The following CAGE1 variants were observed in gnomAD, a reference collection of about 807,000 sequenced individuals.
CAGE1 encodes cancer antigen 1, also known as cancer-associated gene 1 protein.
In CAGE1, 66 loss-of-function variants were observed where a neutral mutation model predicts 94.9. The observed-to-expected ratio is 0.70, with a 90% CI of 0.57 to 0.85. The LOEUF is 0.85. CAGE1 is among the 40% of genes least tolerant of loss of function. CAGE1 has a pLI of 0.00. For synonymous variants in CAGE1, 319 were observed against 321.0 expected (o/e 0.99, Z 0.07); for missense variants, 865 against 950.4 (o/e 0.91, Z 1.18).
chr6:7,374,187 C>T, intron 4 of CAGE1, 56 bp from the exon 5 acceptor site: 2 of 1,428,892 alleles, frequency 1.4e-6, no homozygotes, highest in Non-Finnish European at 1.9e-6. Flanking sequence ...AATGAGCTTT[C>T]AAGTCAAATA....
chr6:7,360,768 A>G (rs1760137142), intron 9 of CAGE1, among the ~76,000 whole-genome samples: 1 of 152,004 alleles, frequency 6.6e-6, no homozygotes. Flanking sequence ...ACATGGTGAA[A>G]CCCCGTCTCT....
intron 7 of CAGE1, among the ~76,000 whole-genome samples, chr6:7,368,083 C>T (rs1468966541): frequency 2.0e-5 from 3 of 151,836 alleles, no homozygotes; most frequent in African/African-American, 7.3e-5. Context: ...GAAGCCCCGT[C>T]TCTACTAAAA....
intron 11 of CAGE1, among the ~76,000 whole-genome samples, chr6:7,344,030 A>T (rs1270538219): frequency 1.3e-5 from 2 of 152,200 alleles, no homozygotes; most frequent in African/African-American, 4.8e-5. Flanking sequence ...AAGTGTTAGA[A>T]AGTGGTGAGA....
At chr6:7,378,364 G>C (rs1186529906) in intron 4 of CAGE1, among the ~76,000 whole-genome samples, 1 of 151,992 alleles carries the variant, frequency 6.6e-6, no homozygotes, top group Non-Finnish European at 1.5e-5. Flanking sequence ...TTCTGAATTG[G>C]CTAAGATCTC....
At chr6:7,329,937 G>A (rs1275452032) in intron 12 of CAGE1, 49 bp from the exon 13 acceptor site, 4 of 786,782 alleles carry the variant, frequency 5.1e-6, no homozygotes, top group Admixed American at 4.7e-5. Context: ...AGGGGGGACT[G>A]AAATAGTGAA....
chr6:7,327,205 AC>A (rs1758568667), intron 13 of CAGE1, among the ~76,000 whole-genome samples: 1 of 152,086 alleles, frequency 6.6e-6, no homozygotes, highest in Non-Finnish European at 1.5e-5. Context: ...GACACTCAAC[AC>A]CATGCCCGGC....
intron 9 of CAGE1, among the ~76,000 whole-genome samples, chr6:7,360,454 A>C (rs536959543): frequency 6.6e-6 from 1 of 152,166 alleles, no homozygotes; most frequent in Non-Finnish European, 1.5e-5. Flanking sequence ...CACTTTCCTC[A>C]TATAGGGTTG....
At chr6:7,355,848 T>A (rs7769493) in intron 10 of CAGE1, among the ~76,000 whole-genome samples, 177 bp downstream of exon 10, 1 of 152,034 alleles carries the variant, frequency 6.6e-6, no homozygotes, top group African/African-American at 2.4e-5. Flanking sequence ...CAAAAATTTT[T>A]AAAAATTAGC....
intron 11 of CAGE1, among the ~76,000 whole-genome samples, chr6:7,352,798 G>T (rs1266168086): frequency 6.6e-6 from 1 of 152,170 alleles, no homozygotes; most frequent in East Asian, 1.9e-4. Context: ...GTGGGGAAAG[G>T]ACACCCTTTT....
intron 11 of CAGE1, among the ~76,000 whole-genome samples, chr6:7,340,281 A>C (rs1253049744): frequency 2.0e-5 from 3 of 151,564 alleles, no homozygotes; most frequent in African/African-American, 7.3e-5. Flanking sequence ...TTTTCTTGTT[A>C]ATTTGTTTGA....
intron 11 of CAGE1, among the ~76,000 whole-genome samples, chr6:7,345,936 A>G (rs1759505405): frequency 6.6e-6 from 1 of 152,206 alleles, no homozygotes; most frequent in South Asian, 2.1e-4. Context: ...AAAAAAGAAA[A>G]ATTACAGTAT....
intron 9 of CAGE1, among the ~76,000 whole-genome samples, chr6:7,364,555 G>A (rs751809027): frequency 6.6e-6 from 1 of 152,042 alleles, no homozygotes; most frequent in African/African-American, 2.4e-5. Flanking sequence ...TGCAACCTCC[G>A]CCCTCTGAGT....
At position 7,369,880 on chromosome 6, in the gene CAGE1, C is replaced by T. The variant is rs765694547; in HGVS notation, c.1893+39G>A. The stretch of plus-strand genomic sequence containing the variant: ...TTTTTGTCCAACCCCAGTATTTATT[C>T]CTCCCCTACTAAAATATCTAATATA... On this transcript the variant is annotated intron_variant, in intron 6 of 13. Coordinates refer to ENST00000502583, the MANE Select transcript of CAGE1 (RefSeq NM_001170692.2). 8 of 1,551,950 alleles carry T rather than the reference C, an allele frequency of 5.2e-6. No homozygotes were observed. The Admixed American group carries it at 1.2e-4, about 24-fold the overall frequency.
chr6:7,354,086 G>GA (rs890448213), intron 11 of CAGE1, among the ~76,000 whole-genome samples: 36 of 147,534 alleles, frequency 2.4e-4, no homozygotes, highest in Middle Eastern at 3.4e-3. Context: ...ATAACCTACG[G>GA]AAAAAAAACA....
Position 7,374,123 on chromosome 6 carries a change from A to C in CAGE1, c.696T>G (p.Val232=). 6.2e-7 allele frequency: 1 copy of C among 1,609,876 alleles called. No individual in the cohort carries two copies. Among genetic ancestry groups the C allele is most frequent in the Non-Finnish European group, 8.5e-7 (1 of 1,177,358 alleles). Residue 232 remains valine (V), a synonymous_variant, in exon 5 of 14, where the codon GTT becomes GTG. Transcript: ENST00000502583. ...CATAATTCTGTATTTCTTTTGAAGG[A>C]ACTGCAGTCTGTAAATTATAGTAAA... The part of the protein sequence containing the change: ...QPPSFLCKTA[V]PSKEIQNYGE...
In CAGE1 at chr6:7,356,023, A is replaced by G. The variant is rs1234296075; in HGVS notation, c.2298+2T>C. The stretch of plus-strand genomic sequence containing the variant: ...AAATACAAAAGAAAAAAAAATGTCT[A>G]CCTTCTTTATTAAGTTGCCTAAATG... On this transcript the variant is annotated splice_donor_variant, in intron 10 of 13. Transcript: ENST00000502583. LOFTEE classifies it high-confidence loss of function. The G allele has an allele frequency of 4.7e-6, 7 of 1,490,524 alleles. No individual in the cohort carries two copies. The highest frequency in any genetic ancestry group is 3.7e-6 in the Non-Finnish European group (4 of 1,092,550). 92.3% of individuals were successfully genotyped at this position (1,490,524 alleles called of 1,614,324 possible).
rs1422255667 is a variant in CAGE1, at chr6:7,378,838, T to C, written c.466A>G (p.Ile156Val). 6 of 1,613,148 alleles carry C rather than the reference T, an allele frequency of 3.7e-6. No homozygotes were observed. Among genetic ancestry groups the C allele is most frequent in the Non-Finnish European group, 5.1e-6 (6 of 1,179,430 alleles). The change falls in exon 4 of 14, where the codon ATA becomes GTA. Residue 156 changes from isoleucine (I) to valine (V), a missense_variant. Ile to Val is a conservative substitution (Grantham distance 29). Coordinates refer to ENST00000502583, the MANE Select transcript of CAGE1 (RefSeq NM_001170692.2). ...TCTTCCTTAAATGAGTCTTGCTTTA[T>C]ATTGTTGTCTTTTGCATAATTATAC... Reference protein sequence around the residue: ...QVYNYAKDNNIKQDSFKEENP... With the variant: ...QVYNYAKDNNVKQDSFKEENP...
chr6:7,340,548 C>A lies in CAGE1; in HGVS notation c.2370-6458G>T, dbSNP rs555731492. On this transcript the variant is annotated intron_variant, in intron 11 of 13. Transcript: ENST00000502583. ...GTAGGTGCCTCCAGGCCTTCCCACC[C>A]CAACCCCAATAAAAACATTTTGCAT... Among the ~76,000 whole-genome samples the A allele has an allele frequency of 2.0e-5, 3 of 152,260 alleles. No homozygotes were observed. The East Asian group carries it at 5.8e-4, about 29-fold the overall frequency.
intron 9 of CAGE1, among the ~76,000 whole-genome samples, chr6:7,358,677 C>CA (rs982843553): frequency 3.9e-5 from 6 of 152,014 alleles, no homozygotes; most frequent in African/African-American, 9.6e-5. Flanking sequence ...TCCAGCTCTA[C>CA]AAAAAAAATT....
Sources: allele counts gnomAD v4.1 joint callset (sites outside exome capture counted in the v4.1 genomes callset), GRCh38; gene constraint gnomAD v4.1.1; transcripts MANE v1.5; gene names NCBI Gene and HGNC (gene_info 2026-07-23, HGNC 2026-07-21).